The following BMPR1B variants were observed in gnomAD, a reference collection of about 807,000 sequenced individuals.
BMPR1B encodes the protein bone morphogenetic protein receptor type 1B, also known as bone morphogenetic protein receptor type-1B.
In BMPR1B, 12 loss-of-function variants were observed where a neutral mutation model predicts 59.1. The ratio of observed to expected loss-of-function variants is 0.20; its 90% CI spans 0.13 to 0.33. The LOEUF (loss-of-function observed/expected upper bound fraction) is 0.33. BMPR1B is among the 10% of genes least tolerant of loss of function. The probability of loss-of-function intolerance (pLI) is 1.00; values close to 1 mark genes in which losing one functional copy is unlikely to be tolerated. For missense variants in BMPR1B, 550 were observed against 610.9 expected (o/e 0.90, Z 1.05); for synonymous variants, 237 against 207.3 (o/e 1.14, Z -1.23).
intron 4 of BMPR1B, among the ~76,000 whole-genome samples, chr4:95,111,585 C>A (rs754213370): frequency 4.6e-5 from 7 of 151,962 alleles, no homozygotes; most frequent in African/African-American, 7.2e-5. Context: ...AAATTTTTGA[C>A]CATAATAAAT....
chr4:95,059,820 G>A (rs1382089606), intron 3 of BMPR1B, among the ~76,000 whole-genome samples: 1 of 152,100 alleles, frequency 6.6e-6, no homozygotes, highest in African/African-American at 2.4e-5. Context: ...GCAAATTTTG[G>A]TGCTTGCCAA....
At chr4:95,122,013 T>C (rs543037609) in intron 6 of BMPR1B, among the ~76,000 whole-genome samples, 233 of 152,266 alleles carry the variant, frequency 1.5e-3, no homozygotes, top group African/African-American at 5.4e-3. Context: ...ACTTTCTAAT[T>C]AGGATGATTT....
chr4:94,885,849 C>T (rs1413183588), intron 2 of BMPR1B, among the ~76,000 whole-genome samples: 1 of 152,092 alleles, frequency 6.6e-6, no homozygotes, highest in East Asian at 1.9e-4. Flanking sequence ...TGGATCTGAC[C>T]AAGCCCTGGT....
chr4:94,892,792 T>A (rs1468734856), intron 2 of BMPR1B, among the ~76,000 whole-genome samples: 5 of 152,092 alleles, frequency 3.3e-5, no homozygotes, highest in Non-Finnish European at 5.9e-5. Context: ...TTGTTGAAAA[T>A]CTTTTACAAT....
chr4:95,110,102 C>T (rs936627991), intron 4 of BMPR1B, among the ~76,000 whole-genome samples: 2 of 151,698 alleles, frequency 1.3e-5, no homozygotes, highest in African/African-American at 4.8e-5. Flanking sequence ...TAGTGCAGGG[C>T]GCTTTAAAAT....
chr4:94,764,769 A>G (rs551038026), intron 1 of BMPR1B, among the ~76,000 whole-genome samples: 3 of 152,188 alleles, frequency 2.0e-5, no homozygotes, highest in African/African-American at 7.2e-5. Flanking sequence ...TATATCTTCT[A>G]TCCATGTGCT....
intron 1 of BMPR1B, among the ~76,000 whole-genome samples, chr4:94,778,979 A>G (rs1214644707): frequency 6.6e-6 from 1 of 151,746 alleles, no homozygotes; most frequent in Non-Finnish European, 1.5e-5. Context: ...GGGTTTCTCT[A>G]TTTTACCTTT....
chr4:94,884,883 A>G (rs1006752879), intron 2 of BMPR1B, among the ~76,000 whole-genome samples: 1 of 152,192 alleles, frequency 6.6e-6, no homozygotes, highest in Non-Finnish European at 1.5e-5. Context: ...AGAGCACAGC[A>G]GAAGTAATGG....
intron 2 of BMPR1B, among the ~76,000 whole-genome samples, chr4:94,953,487 G>T (rs1005304716): frequency 3.9e-5 from 6 of 152,106 alleles, no homozygotes; most frequent in Admixed American, 6.5e-5. Flanking sequence ...ATTTGCTTGT[G>T]TATAAAGGAT....
intron 2 of BMPR1B, among the ~76,000 whole-genome samples, chr4:94,944,728 C>T (rs1220207839): frequency 2.0e-5 from 3 of 152,042 alleles, no homozygotes; most frequent in Admixed American, 1.3e-4. Flanking sequence ...TAATTACCTG[C>T]CTTTAGTGAT....
chr4:94,960,038 G>C (rs946168063), intron 2 of BMPR1B, among the ~76,000 whole-genome samples: 4 of 152,058 alleles, frequency 2.6e-5, no homozygotes, highest in African/African-American at 7.2e-5. Flanking sequence ...TTGAATTACT[G>C]CATGGTCCTA....
At chr4:95,007,818 A>G (rs6820199) in intron 3 of BMPR1B, among the ~76,000 whole-genome samples, 145,538 of 152,252 alleles carry the variant, frequency 0.96, 69,592 homozygotes, top group Middle Eastern at 0.99. Flanking sequence ...ATATGAAAAT[A>G]TAAAGAAATA....
chr4:95,021,492 C>T (rs901463679), intron 3 of BMPR1B, among the ~76,000 whole-genome samples: 4 of 152,154 alleles, frequency 2.6e-5, no homozygotes, highest in African/African-American at 9.7e-5. Flanking sequence ...CCAAATTAAA[C>T]ACTTTAGCTG....
At chr4:94,759,278 G>A (rs1377012677) in intron 1 of BMPR1B, among the ~76,000 whole-genome samples, 2 of 152,188 alleles carry the variant, frequency 1.3e-5, no homozygotes, top group Non-Finnish European at 2.9e-5. Flanking sequence ...GAAGAGAGCC[G>A]TTTCACTACC....
intron 2 of BMPR1B, among the ~76,000 whole-genome samples, chr4:94,960,604 A>G (rs1730316704): frequency 1.3e-5 from 2 of 152,112 alleles, no homozygotes; most frequent in Non-Finnish European, 2.9e-5. Context: ...AACATGGAAA[A>G]TGTTTATAGT....
intron 2 of BMPR1B, among the ~76,000 whole-genome samples, chr4:94,910,732 A>AC (rs146021052): frequency 0.039 from 5,993 of 151,852 alleles, 373 homozygotes; most frequent in African/African-American, 0.14. Flanking sequence ...ACATAGCGAG[A>AC]CCCCCATCTC....
chr4:94,889,732 G>T (rs572967230), intron 2 of BMPR1B, among the ~76,000 whole-genome samples: 5 of 152,118 alleles, frequency 3.3e-5, no homozygotes, highest in Admixed American at 1.3e-4. Context: ...GCAACAGATG[G>T]TTACTGTTTA....
chr4:94,883,832 A>G (rs1727070743), intron 2 of BMPR1B, among the ~76,000 whole-genome samples: 1 of 152,120 alleles, frequency 6.6e-6, no homozygotes, highest in South Asian at 2.1e-4. Flanking sequence ...ATTAAGCTCA[A>G]AGTTTCACAA....
At chr4:95,039,117 G>T (rs1212419109) in intron 3 of BMPR1B, among the ~76,000 whole-genome samples, 4 of 152,110 alleles carry the variant, frequency 2.6e-5, no homozygotes, top group African/African-American at 4.8e-5. Context: ...AATAGTAATA[G>T]AATTTTATAT....
Sources: gnomAD v4.1 joint callset for allele counts (sites outside exome capture counted in the v4.1 genomes callset) on GRCh38, gnomAD v4.1.1 for gene constraint, MANE v1.5 for transcripts, NCBI Gene and HGNC (gene_info 2026-07-23, HGNC 2026-07-21) for gene names.